NYAP1: variants seen among roughly 807,000 people sequenced by gnomAD.
NYAP1 encodes neuronal tyrosine phosphorylated phosphoinositide-3-kinase adaptor 1, also known as neuronal tyrosine-phosphorylated phosphoinositide-3-kinase adapter 1.
A neutral mutation model predicts 58.6 loss-of-function variants in NYAP1; 20 were observed. The ratio of observed to expected loss-of-function variants is 0.34; its 90% CI spans 0.24 to 0.50. The LOEUF is 0.50. Ranked by LOEUF, NYAP1 falls within the 20% of genes least tolerant of loss-of-function variation. NYAP1 has a pLI of 0.98. For missense variants in NYAP1, 1,150 were observed against 1,194.5 expected, an observed-to-expected ratio of 0.96 and a Z score of 0.55; for synonymous variants, 572 against 523.1, an observed-to-expected ratio of 1.09 and a Z score of -1.27.
At position 100,488,187 on chromosome 7, in the gene NYAP1, A is replaced by G; in HGVS notation, c.466A>G (p.Ser156Gly). 2 of 1,607,416 alleles carry G rather than the reference A, an allele frequency of 1.2e-6. No homozygotes were observed. The highest frequency in any genetic ancestry group is 1.7e-6 in the Non-Finnish European group (2 of 1,177,840). ...QKPTPEGRESSRKVPPQKPRR... is the reference protein window; with the variant it reads ...QKPTPEGRESGRKVPPQKPRR... Reference sequence around the variant, plus strand: ...GCCAACCCCAGAGGGCCGAGAGTCCAGCCGGAAGGTTCCTCCGCAGAAGCC... The same window carrying G: ...GCCAACCCCAGAGGGCCGAGAGTCCGGCCGGAAGGTTCCTCCGCAGAAGCC... Residue 156 changes from serine to glycine, a missense_variant, in exon 4 of 7, where the codon AGC becomes GGC. Coordinates refer to ENST00000300179, the MANE Select transcript of NYAP1 (RefSeq NM_173564.4). The surrounding 1 kb of genome is among the most constrained non-coding windows in gnomAD (Gnocchi z 5.9).
chr7:100,491,785 A>G (rs966954096), intron 6 of NYAP1, among the ~76,000 whole-genome samples: 1 of 152,192 alleles, frequency 6.6e-6, no homozygotes, highest in Non-Finnish European at 1.5e-5. Context: ...GCGGTGGCTC[A>G]TGCCTGTAAT....
At position 100,488,838 on chromosome 7, in the gene NYAP1, C is replaced by G. The variant is rs1412424273; in HGVS notation, c.1117C>G (p.Pro373Ala). ...GGAGCCAGCCGGCTCCACCCCAGCT[C>G]CCCAAGTGCCTGCACGGGAGCGGGA... ...SKEPAGSTPA[P>A]QVPARERETP... Residue 373 changes from proline (P) to alanine (A), a missense_variant, in exon 4 of 7, where the codon CCC (proline) becomes GCC (alanine). Physicochemically the swap from Pro to Ala is conservative, Grantham distance 27. Coordinates refer to ENST00000300179, the MANE Select transcript of NYAP1 (RefSeq NM_173564.4). The surrounding 1 kb of genome is among the most constrained non-coding windows in gnomAD (Gnocchi z 5.9). 6.3e-7 allele frequency: 1 copy of G among 1,590,350 alleles called. No homozygotes were observed. Among genetic ancestry groups the G allele is most frequent in the South Asian group, 1.1e-5 (1 of 88,174 alleles).
chr7:100,491,112 C>G lies in NYAP1; in HGVS notation c.2268+17C>G, dbSNP rs757765854. The G allele has an allele frequency of 6.7e-7, 1 of 1,494,458 alleles. No individual in the cohort carries two copies. Among genetic ancestry groups the G allele is most frequent in the South Asian group, 1.2e-5 (1 of 82,482 alleles). 92.6% of individuals were successfully genotyped at this position (1,494,458 alleles called of 1,614,324 possible). ...CTGAGCCAGGTGAGGCTTGGTTTTTCTTTTATTTGTGAAGGAGCAGGTGGA... is the reference window on the plus strand; with the variant it reads ...CTGAGCCAGGTGAGGCTTGGTTTTTGTTTTATTTGTGAAGGAGCAGGTGGA... On this transcript the variant is annotated intron_variant, in intron 6 of 6. Transcript: ENST00000300179.
chr7:100,488,388 G>T lies in NYAP1; in HGVS notation c.667G>T (p.Val223Phe). 6.3e-7 allele frequency: 1 copy of T among 1,595,560 alleles called. No homozygotes were observed. The highest frequency in any genetic ancestry group is 1.8e-5 in the Admixed American group (1 of 56,374). The change falls in exon 4 of 7, where the codon GTC (valine) becomes TTC (phenylalanine). Residue 223 changes from valine to phenylalanine, a missense_variant. Val to Phe is a conservative substitution (Grantham distance 50). Coordinates refer to ENST00000300179, the MANE Select transcript of NYAP1 (RefSeq NM_173564.4). The surrounding 1 kb of genome is among the most constrained non-coding windows in gnomAD (Gnocchi z 5.9). ...TGTGTACATTGAGATGGTGGGGGACGTCTTTAGGGGAGGAGGACGAAGTGG... is the reference window on the plus strand; with the variant it reads ...TGTGTACATTGAGATGGTGGGGGACTTCTTTAGGGGAGGAGGACGAAGTGG... ...EPVYIEMVGD[V>F]FRGGGRSGGG...
rs759133706 is a variant in NYAP1 at position 100,490,593 on chromosome 7, T to G, written c.2022T>G (p.Pro674=). The G allele has an allele frequency of 3.2e-6, 5 of 1,580,454 alleles. No homozygotes were observed. Among genetic ancestry groups the G allele is most frequent in the Non-Finnish European group, 8.6e-7 (1 of 1,163,536 alleles). ...AGGTGGAGCGTGAGGACAGGGGCCC[T>G]GGGACATCGGGGATCCCAGTGAGAA... ...PGKVEREDRG[P]GTSGIPVRSQ... Residue 674 remains proline, a synonymous_variant, in exon 5 of 7, where the codon CCT becomes CCG. Transcript: ENST00000300179. The surrounding 1 kb of genome is among the most constrained non-coding windows in gnomAD (Gnocchi z 4.6).
intron 4 of NYAP1, 31 bp downstream of exon 4, chr7:100,489,697 A>T: frequency 1.4e-5 from 2 of 141,282 alleles, no homozygotes; most frequent in South Asian, 1.2e-4. Context: ...GGGGGCTGGC[A>T]TCAGGGGTGG....
intron 1 of NYAP1, among the ~76,000 whole-genome samples, chr7:100,484,771 G>A (rs527603589): frequency 6.6e-6 from 1 of 152,198 alleles, no homozygotes; most frequent in Admixed American, 6.5e-5. Context: ...TGTGTGTCTG[G>A]AGGTCTGTGG....
In NYAP1 at chr7:100,487,143, C is replaced by A. The variant is rs369137702; in HGVS notation, c.391C>A (p.Pro131Thr). ...CAGCACCAAGCTCAGCATGGTGGGGCCTGGGTCTGGGGCAGAGACGCCCCC... is the reference window on the plus strand; with the variant it reads ...CAGCACCAAGCTCAGCATGGTGGGGACTGGGTCTGGGGCAGAGACGCCCCC... The part of the protein sequence containing the change: ...HPSTKLSMVG[P>T]GSGAETPPSK... The change falls in exon 3 of 7, where the codon CCT (proline) becomes ACT (threonine). Residue 131 changes from proline (P) to threonine (T), a missense_variant. Transcript: ENST00000300179. This position sits in a 1 kb window ranked among gnomAD's most constrained non-coding sequence, Gnocchi z 4.1. 7.8e-6 allele frequency: 12 copies of A among 1,536,452 alleles called. No homozygotes were observed. In the Admixed American group the frequency reaches 1.0e-4, roughly 13 times the overall value.
chr7:100,491,059 C>T lies in NYAP1; in HGVS notation c.2232C>T (p.Pro744=). ...SGVRQVVLHT[P]RPCSQPRDAL... is the part of the protein sequence containing the mutation. ...TCCGGCAGGTCGTGCTCCACACACC[C>T]CGGCCCTGCAGCCAGCCCAGGGATG... Residue 744 remains proline, a synonymous_variant, in exon 6 of 7, where the codon CCC becomes CCT. Transcript: ENST00000300179. 1 of 1,559,572 alleles carries T rather than the reference C, an allele frequency of 6.4e-7. No homozygotes were observed. Among genetic ancestry groups the T allele is most frequent in the South Asian group, 1.2e-5 (1 of 84,590 alleles).
Position 100,487,111 on chromosome 7 carries a change from G to A in NYAP1, c.359G>A (p.Arg120Lys). Residue 120 changes from arginine (R) to lysine (K), a missense_variant, in exon 3 of 7, where the codon AGA (arginine) becomes AAA (lysine). By Grantham distance (26) the Arg-to-Lys change is conservative. Coordinates refer to ENST00000300179, the MANE Select transcript of NYAP1 (RefSeq NM_173564.4). The surrounding 1 kb of genome is among the most constrained non-coding windows in gnomAD (Gnocchi z 4.1). ...STRRPPAKPR[R>K]HPSTKLSMVG... ...CGAAGACCCCCTGCCAAGCCCCGGAGACACCCCAGCACCAAGCTCAGCATG... is the reference window on the plus strand; with the variant it reads ...CGAAGACCCCCTGCCAAGCCCCGGAAACACCCCAGCACCAAGCTCAGCATG... The A allele has an allele frequency of 1.3e-6, 2 of 1,586,404 alleles. No homozygotes were observed. Among genetic ancestry groups the A allele is most frequent in the Non-Finnish European group, 1.7e-6 (2 of 1,166,498 alleles).
rs541883319 is a variant in NYAP1, at chr7:100,486,059, G to A, written c.68+680G>A. Among the ~76,000 whole-genome samples the A allele has an allele frequency of 3.7e-4, 56 of 152,240 alleles. No individual in the cohort carries two copies. The highest frequency in any genetic ancestry group is 1.3e-3 in the African/African-American group (55 of 41,544). ...TCCCTTTTCCTTCCTCGCAACTGTG[G>A]AGTTTAATTCTTGTTGTTAATTAGA... is the stretch of plus-strand genomic sequence containing the variant. On this transcript the variant is annotated intron_variant, in intron 2 of 6. Transcript: ENST00000300179. The surrounding 1 kb of genome is among the most constrained non-coding windows in gnomAD (Gnocchi z 6.2).
chr7:100,494,113 G>A lies in NYAP1; in HGVS notation c.*210G>A, dbSNP rs988512384. On this transcript the variant is annotated 3_prime_UTR_variant, in exon 7 of 7. Transcript: ENST00000300179. Reference sequence around the variant, plus strand: ...ACAGCGCTGCTGAGAAACGGAGGAGGAGGAGGGTTTGCTTGAGGTTGGGGC... The same window carrying A: ...ACAGCGCTGCTGAGAAACGGAGGAGAAGGAGGGTTTGCTTGAGGTTGGGGC... 4.0e-6 allele frequency: 2 copies of A among 503,810 alleles called. No individual in the cohort carries two copies. Among genetic ancestry groups the A allele is most frequent in the Non-Finnish European group, 6.8e-6 (2 of 292,822 alleles). 31.2% of individuals were successfully genotyped at this position (503,810 alleles called of 1,614,324 possible).
In NYAP1 at chr7:100,490,835, C is replaced by T. The variant is rs1799786407; in HGVS notation, c.2158+106C>T. ...CCTCTCACCTGTTCACGTCTGTGCC[C>T]AGGGCCCTAAATCCTCATACCACAT... is the stretch of plus-strand genomic sequence containing the variant. On this transcript the variant is annotated intron_variant, in intron 5 of 6. Transcript: ENST00000300179. This position sits in a 1 kb window ranked among gnomAD's most constrained non-coding sequence, Gnocchi z 4.6. 2.5e-6 allele frequency: 3 copies of T among 1,186,222 alleles called. No homozygotes were observed. The highest frequency in any genetic ancestry group is 3.5e-6 in the Non-Finnish European group (3 of 855,036). The allele number at this position is 1,186,222 out of a possible 1,614,324, so 73.5% of individuals were successfully genotyped here. A position where few individuals can be genotyped will look rare whatever the true frequency, so the allele number is the denominator to read the frequency against.
Position 100,485,248 on chromosome 7 carries a change from G to C in NYAP1, c.-64G>C. 1 of 988,830 alleles carries C rather than the reference G, an allele frequency of 1.0e-6. No homozygotes were observed. Among genetic ancestry groups the C allele is most frequent in the South Asian group, 1.4e-5 (1 of 71,860 alleles). The allele number at this position is 988,830 out of a possible 1,614,324, so 61.3% of individuals were successfully genotyped here. A position where few individuals can be genotyped will look rare whatever the true frequency, so the allele number is the denominator to read the frequency against. ...GCCAGTGGATCCGGGACCCAGGGAGGGCCGCCCCCCGGGCCTGGTGGCACT... is the reference window on the plus strand; with the variant it reads ...GCCAGTGGATCCGGGACCCAGGGAGCGCCGCCCCCCGGGCCTGGTGGCACT... On this transcript the variant is annotated 5_prime_UTR_variant, in exon 2 of 7. Coordinates refer to ENST00000300179, the MANE Select transcript of NYAP1 (RefSeq NM_173564.4). This position sits in a 1 kb window ranked among gnomAD's most constrained non-coding sequence, Gnocchi z 5.7.
In NYAP1 at chr7:100,488,874, C is replaced by T. The variant is rs1198893973; in HGVS notation, c.1153C>T (p.Pro385Ser). 6.3e-7 allele frequency: 1 copy of T among 1,599,070 alleles called. No homozygotes were observed. The highest frequency in any genetic ancestry group is 8.5e-7 in the Non-Finnish European group (1 of 1,175,026). ...TGCACGGGAGCGGGAGACGCCTCCC[C>T]CACCGCCTCCACCTCCTGCTGCCAA... ...VPARERETPP[P>S]PPPPPAANLL... is the part of the protein sequence containing the mutation. Residue 385 changes from proline to serine, a missense_variant, in exon 4 of 7, where the codon CCA becomes TCA. Transcript: ENST00000300179. The surrounding 1 kb of genome is among the most constrained non-coding windows in gnomAD (Gnocchi z 5.9).
At chr7:100,492,734 A>G (rs963870923) in intron 6 of NYAP1, among the ~76,000 whole-genome samples, 1 of 152,182 alleles carries the variant, frequency 6.6e-6, no homozygotes, top group Non-Finnish European at 1.5e-5. Flanking sequence ...CCCTGTCTTT[A>G]CAAAAAATTT....
chr7:100,487,532 C>T lies in NYAP1; in HGVS notation c.430+350C>T, dbSNP rs1369706469. 1.3e-5 allele frequency among the ~76,000 whole-genome samples: 2 copies of T among 151,990 alleles called. No individual in the cohort carries two copies. The highest frequency in any genetic ancestry group is 4.8e-5 in the African/African-American group (2 of 41,410). On this transcript the variant is annotated intron_variant, in intron 3 of 6. Transcript: ENST00000300179. This position sits in a 1 kb window ranked among gnomAD's most constrained non-coding sequence, Gnocchi z 4.1. The stretch of plus-strand genomic sequence containing the variant: ...CTTTTTTTTTTTTGAGACAGAGTCT[C>T]GCTCTGTTGCCCAGGCAGGAGTGCA...
rs1420872443 is a variant in NYAP1 at position 100,489,604 on chromosome 7, G to C, written c.1883G>C (p.Gly628Ala). The change falls in exon 4 of 7, where the codon GGG becomes GCG. Residue 628 changes from glycine to alanine, a missense_variant. Gly to Ala is a moderately conservative substitution (Grantham distance 60). Transcript: ENST00000300179. Reference sequence around the variant, plus strand: ...GAGGAGGTGGGCGCCGCGACATTTGGGGCAGGCTGGGCCCTGCAGAGGAAG... The same window carrying C: ...GAGGAGGTGGGCGCCGCGACATTTGCGGCAGGCTGGGCCCTGCAGAGGAAG... Reference protein sequence around the residue: ...EEEEVGAATFGAGWALQRKVL... With the variant: ...EEEEVGAATFAAGWALQRKVL... 6.2e-7 allele frequency: 1 copy of C among 1,612,382 alleles called. No homozygotes were observed. Among genetic ancestry groups the C allele is most frequent in the East Asian group, 2.2e-5 (1 of 44,838 alleles).
intron 1 of NYAP1, among the ~76,000 whole-genome samples, chr7:100,484,746 T>C (rs906487280): frequency 6.6e-6 from 1 of 152,102 alleles, no homozygotes; most frequent in Non-Finnish European, 1.5e-5. Context: ...TGTCCAGTTC[T>C]GTGTAGCAGA....
Sources: allele counts gnomAD v4.1 joint callset (sites outside exome capture counted in the v4.1 genomes callset), GRCh38; gene constraint gnomAD v4.1.1; non-coding constraint Gnocchi (gnomAD v3.1); transcripts MANE v1.5; gene names NCBI Gene and HGNC (gene_info 2026-07-23, HGNC 2026-07-21).